The following ZNF75D variants were observed in gnomAD, a reference collection of about 807,000 sequenced individuals.
ZNF75D encodes zinc finger protein 75.
Under a neutral mutation model 33.3 loss-of-function variants are expected in ZNF75D, and 33 were observed. That is an observed-to-expected ratio of 0.99 (90% CI 0.75 to 1.32). ZNF75D has a LOEUF of 1.32. Among genes scored for constraint, ZNF75D ranks in the 40% most tolerant of loss-of-function variants. The pLI is 0.00. For synonymous variants in ZNF75D, 113 were observed against 130.6 expected (o/e 0.87, Z 0.92); for missense variants, 338 against 367.5 (o/e 0.92, Z 0.66).
At chrX:135,259,945 C>A (rs782234026) in intron 1 of ZNF75D, among the ~76,000 whole-genome samples, 1 of 111,764 alleles carries the variant, frequency 8.9e-6, no homozygotes, top group African/African-American at 3.2e-5. Flanking sequence ...ATAAATAGCT[C>A]TTATTATTTT....
At chrX:135,315,351 G>A (rs1433443268) in intron 1 of ZNF75D, among the ~76,000 whole-genome samples, 6 of 111,429 alleles carry the variant, frequency 5.4e-5, no homozygotes, top group African/African-American at 1.3e-4. Flanking sequence ...TTTTTTGGTC[G>A]TGGCCTAACA....
intron 1 of ZNF75D, among the ~76,000 whole-genome samples, chrX:135,257,777 G>A (rs782232683): frequency 3.6e-5 from 4 of 112,195 alleles, no homozygotes; most frequent in East Asian, 2.8e-4. Context: ...GGAGGTCTCC[G>A]CATGGCAATC....
chrX:135,269,349 C>A (rs1556416658), intron 1 of ZNF75D, among the ~76,000 whole-genome samples: 1 of 111,946 alleles, frequency 8.9e-6, no homozygotes, highest in East Asian at 2.8e-4. Flanking sequence ...GCAAAGTGCC[C>A]ATCTGGCAAA....
At chrX:135,299,532 A>G (rs2084184169) in intron 1 of ZNF75D, among the ~76,000 whole-genome samples, 2 of 112,296 alleles carry the variant, frequency 1.8e-5, no homozygotes, top group African/African-American at 6.5e-5. Flanking sequence ...GACACAAGCC[A>G]GACATATAAT....
In ZNF75D at chrX:135,343,011, A is replaced by C. The variant is rs1264897841; in HGVS notation, c.-1634T>G. On this transcript the variant is annotated 5_prime_UTR_variant, in exon 1 of 7. Transcript: ENST00000370766. ...CCTCCCCGTGGAAACCAAAAGCAATAGCACACTCTTCACTGCACTGGGGGG... is the reference window on the plus strand; with the variant it reads ...CCTCCCCGTGGAAACCAAAAGCAATCGCACACTCTTCACTGCACTGGGGGG... The C allele has an allele frequency of 1.8e-5, 2 of 111,671 alleles. No individual in the cohort carries two copies. The highest frequency in any genetic ancestry group is 3.3e-5 in the African/African-American group (1 of 30,583). The allele number at this position is 111,671 out of a possible 1,213,427, so 9.2% of individuals were successfully genotyped here. A position where few individuals can be genotyped will look rare whatever the true frequency, so the allele number is the denominator to read the frequency against.
In ZNF75D at chrX:135,287,616, T is replaced by C. The variant is rs1236143767; in HGVS notation, c.1054A>G (p.Met352Val). The C allele has an allele frequency of 9.1e-6, 11 of 1,209,406 alleles. No individual in the cohort carries two copies. The highest frequency in any genetic ancestry group is 1.2e-5 in the Non-Finnish European group (11 of 895,078). Residue 352 changes from methionine (M) to valine (V), a missense_variant, in exon 7 of 7, where the codon ATG becomes GTG. By Grantham distance (21) the Met-to-Val change is conservative (BLOSUM62 1). Transcript: ENST00000370766. ...ATCKQELPKLMDLHGKGPTGE... is the reference protein window; with the variant it reads ...ATCKQELPKLVDLHGKGPTGE... ...GTGGGGCCTTTCCCATGAAGATCCA[T>C]AAGTTTTGGAAGCTCTTGTTTACAA...
chrX:135,293,989 T>C lies in ZNF75D; in HGVS notation c.152A>G (p.His51Arg), dbSNP rs2084086917. 8.2e-7 allele frequency: 1 copy of C among 1,212,173 alleles called. No individual in the cohort carries two copies. The highest frequency in any genetic ancestry group is 1.1e-6 in the Non-Finnish European group (1 of 895,570). The change falls in exon 3 of 7, where the codon CAC becomes CGC. Residue 51 changes from histidine (H) to arginine (R), a missense_variant. Coordinates refer to ENST00000370766, the MANE Select transcript of ZNF75D (RefSeq NM_007131.5). Reference protein sequence around the residue: ...ENLGPESACRHFWSFRYHEAT... With the variant: ...ENLGPESACRRFWSFRYHEAT... ...TTCATGATAACGGAAGCTCCAGAAGTGCCTGCAAGCGCTCTCAGGACCAAG... is the reference window on the plus strand; with the variant it reads ...TTCATGATAACGGAAGCTCCAGAAGCGCCTGCAAGCGCTCTCAGGACCAAG...
chrX:135,287,199 T>A lies in ZNF75D; in HGVS notation c.1471A>T (p.Ser491Cys). 1 of 1,211,254 alleles carries A rather than the reference T, an allele frequency of 8.3e-7. No individual in the cohort carries two copies. Among genetic ancestry groups the A allele is most frequent in the Non-Finnish European group, 1.1e-6 (1 of 895,376 alleles). ...LCKRNFSRRS[S>C]LLRHQKLHRR... ...TGGAGTTTCTGGTGTCTAAGAAGGC[T>A]CGATCGCCTACTAAAGTTTCTCTTG... is the stretch of plus-strand genomic sequence containing the variant. Residue 491 changes from serine to cysteine, a missense_variant, in exon 7 of 7, where the codon AGC becomes TGC. Around this residue, in one of 3 missense-constraint regions of ZNF75D, gnomAD observed 79 missense variants for 80.1 expected, o/e 0.99. Coordinates refer to ENST00000370766, the MANE Select transcript of ZNF75D (RefSeq NM_007131.5).
chrX:135,335,308 C>T (rs1330374333), intron 1 of ZNF75D, among the ~76,000 whole-genome samples: 8 of 110,991 alleles, frequency 7.2e-5, no homozygotes, highest in Non-Finnish European at 1.5e-4. Flanking sequence ...TACTGACTAT[C>T]CCCTTTCCCT....
chrX:135,249,026 T>C (rs1291493391), exon 4 of ZNF75D: 10 of 324,114 alleles, frequency 3.1e-5, no homozygotes, highest in Middle Eastern at 4.4e-4. Flanking sequence ...GGTGGGTTGA[T>C]TGTGTGGCGT....
At chrX:135,323,583 G>A (rs990040698) in intron 1 of ZNF75D, among the ~76,000 whole-genome samples, 3 of 111,648 alleles carry the variant, frequency 2.7e-5, no homozygotes, top group African/African-American at 9.8e-5. Flanking sequence ...ATGCCTGGTT[G>A]AGACTTACAG....
At chrX:135,314,224 T>A (rs1235224543) in intron 1 of ZNF75D, among the ~76,000 whole-genome samples, 1 of 112,244 alleles carries the variant, frequency 8.9e-6, no homozygotes, top group Non-Finnish European at 1.9e-5. Context: ...TATCAAATGT[T>A]TTTTTCTGCA....
At chrX:135,334,909 G>A (rs1340039835) in intron 1 of ZNF75D, among the ~76,000 whole-genome samples, 1 of 111,457 alleles carries the variant, frequency 9.0e-6, no homozygotes, top group Non-Finnish European at 1.9e-5. Context: ...TTATGAGGGA[G>A]CACATGGCCC....
intron 1 of ZNF75D, among the ~76,000 whole-genome samples, chrX:135,312,552 G>T (rs1277694101): frequency 3.6e-5 from 4 of 110,586 alleles, no homozygotes; most frequent in African/African-American, 1.3e-4. Flanking sequence ...TATATTTTTA[G>T]TTTTTTTGAG....
At chrX:135,310,757 A>G (rs2084349595) in intron 1 of ZNF75D, among the ~76,000 whole-genome samples, 1 of 110,744 alleles carries the variant, frequency 9.0e-6, no homozygotes, top group African/African-American at 3.3e-5. Context: ...CTGGATCTGT[A>G]TTAGATAGAA....
Position 135,291,094 on chromosome X carries a change from C to T in ZNF75D, c.738G>A (p.Glu246=), listed in dbSNP as rs781920993. 4 of 1,209,728 alleles carry T rather than the reference C, an allele frequency of 3.3e-6. No homozygotes were observed. Among genetic ancestry groups the T allele is most frequent in the Non-Finnish European group, 3.4e-6 (3 of 894,584 alleles). ...TFEDVAVYFS[E]EEWQLLNPLE... ...GAGGATTCAATAATTGCCACTCTTC[C>T]TCAGAAAAATACACAGCCACATCTT... The change falls in exon 6 of 7, where the codon GAG becomes GAA. Residue 246 remains glutamate, a synonymous_variant. Transcript: ENST00000370766.
intron 1 of ZNF75D, among the ~76,000 whole-genome samples, chrX:135,301,589 G>C (rs1317144212): frequency 8.9e-6 from 1 of 112,300 alleles, no homozygotes; most frequent in Non-Finnish European, 1.9e-5. Context: ...CAGGCCCCAT[G>C]CAAGACCCAA....
intron 1 of ZNF75D, among the ~76,000 whole-genome samples, chrX:135,265,809 A>G (rs2083860900): frequency 8.9e-6 from 1 of 112,076 alleles, no homozygotes; most frequent in African/African-American, 3.2e-5. Context: ...ACAGAAAAAC[A>G]TAGACTACTA....
At chrX:135,332,758 T>C (rs1195974368) in intron 1 of ZNF75D, among the ~76,000 whole-genome samples, 4 of 112,023 alleles carry the variant, frequency 3.6e-5, no homozygotes, top group Non-Finnish European at 5.6e-5. Context: ...CTAGAAAAAC[T>C]GATATCAACT....
Sources: gnomAD v4.1 joint callset for allele counts (sites outside exome capture counted in the v4.1 genomes callset) on GRCh38, gnomAD v4.1.1 for gene constraint, gnomAD v4.1.1 regional missense constraint, MANE v1.5 for transcripts, NCBI Gene and HGNC (gene_info 2026-07-23, HGNC 2026-07-21) for gene names.